Variants in CPA6 observed in about 807,000 individuals in gnomAD.
The protein encoded by CPA6 is carboxypeptidase B.
CPA6 carries 58 observed loss-of-function variants against 63.3 expected under a neutral mutation model. The observed-to-expected ratio is 0.92, with a 90% CI of 0.74 to 1.14. CPA6 has a LOEUF of 1.14. Ranked by LOEUF, CPA6 falls within the 50% of genes most tolerant of loss-of-function variation. The pLI is 0.00. For missense variants in CPA6, 565 were observed against 526.6 expected, an observed-to-expected ratio of 1.07 and a Z score of -0.71; for synonymous variants, 185 against 179.0, an observed-to-expected ratio of 1.03 and a Z score of -0.27.
intron 2 of CPA6, among the ~76,000 whole-genome samples, chr8:67,593,817 T>C (rs1814209463): frequency 6.7e-6 from 1 of 148,810 alleles, no homozygotes; most frequent in South Asian, 2.2e-4. Flanking sequence ...AGCACACTGA[T>C]GGGTCTTGAC....
intron 1 of CPA6, among the ~76,000 whole-genome samples, chr8:67,683,840 G>A (rs1270490510): frequency 3.3e-5 from 5 of 151,114 alleles, no homozygotes; most frequent in African/African-American, 1.2e-4. Context: ...ATATTGGGGG[G>A]AGGGGAGAAG....
At chr8:67,577,168 C>T (rs935994881) in intron 2 of CPA6, among the ~76,000 whole-genome samples, 29 of 152,058 alleles carry the variant, frequency 1.9e-4, no homozygotes, top group Non-Finnish European at 7.4e-5. Context: ...GTCATTTAAA[C>T]GGAATCCCAT....
chr8:67,695,325 C>T (rs1816893255), intron 1 of CPA6, among the ~76,000 whole-genome samples: 1 of 152,196 alleles, frequency 6.6e-6, no homozygotes, highest in South Asian at 2.1e-4. Context: ...AATCTGCCAG[C>T]AGCAGAGACC....
chr8:67,662,965 C>T (rs1396034617), intron 1 of CPA6, among the ~76,000 whole-genome samples: 1 of 152,006 alleles, frequency 6.6e-6, no homozygotes, highest in African/African-American at 2.4e-5. Context: ...AGAAGTGCAC[C>T]AAAGTCAAAG....
chr8:67,423,234 G>A (rs568787662), intron 10 of CPA6, among the ~76,000 whole-genome samples: 16 of 152,172 alleles, frequency 1.1e-4, no homozygotes, highest in Non-Finnish European at 1.8e-4. Flanking sequence ...ACAGGCCCGC[G>A]CCACCATGCC....
At chr8:67,499,232 A>T (rs1000923574) in intron 6 of CPA6, among the ~76,000 whole-genome samples, 2 of 152,100 alleles carry the variant, frequency 1.3e-5, no homozygotes, top group Non-Finnish European at 2.9e-5. Flanking sequence ...CAAAGAAGAG[A>T]TGAACTTACA....
At chr8:67,433,765 T>G (rs919255346) in intron 9 of CPA6, among the ~76,000 whole-genome samples, 1 of 152,214 alleles carries the variant, frequency 6.6e-6, no homozygotes, top group Non-Finnish European at 1.5e-5. Context: ...GGAACTAGAC[T>G]TGGGGCTGAA....
chr8:67,721,621 G>A (rs984846491), intron 1 of CPA6, among the ~76,000 whole-genome samples: 6 of 152,122 alleles, frequency 3.9e-5, no homozygotes, highest in African/African-American at 1.4e-4. Context: ...CGATAGAGGT[G>A]CAGGGTTATA....
intron 8 of CPA6, chr8:67,483,559 T>G (rs1489988584): frequency 3.5e-6 from 2 of 579,000 alleles, no homozygotes; most frequent in Non-Finnish European, 6.1e-6. Context: ...TTGACATATT[T>G]AAAATCCTTG....
intron 1 of CPA6, among the ~76,000 whole-genome samples, chr8:67,661,803 CT>C (rs1407289285): frequency 6.6e-6 from 1 of 152,188 alleles, no homozygotes; most frequent in Non-Finnish European, 1.5e-5. Flanking sequence ...CACTATTCTA[CT>C]GTCTGTCTCT....
At chr8:67,611,646 G>A (rs1462226482) in intron 2 of CPA6, among the ~76,000 whole-genome samples, 3 of 152,118 alleles carry the variant, frequency 2.0e-5, no homozygotes, top group Non-Finnish European at 4.4e-5. Flanking sequence ...GTTAGGCTTT[G>A]TCAAGAGAGG....
chr8:67,620,789 T>C lies in CPA6; in HGVS notation c.192+3387A>G, dbSNP rs192181492. Among the ~76,000 whole-genome samples, 160 of 152,214 alleles carry C rather than the reference T, an allele frequency of 1.1e-3. 1 individual carries two copies. The Middle Eastern group carries it at 0.014, about 13-fold the overall frequency. On this transcript the variant is annotated intron_variant, in intron 2 of 10. Transcript: ENST00000297770. Reference sequence around the variant, plus strand: ...ACTTCAATCCAATAAAACTACCTCTTTAGTGAAAGGAAATGAAGAAATGTA... The same window carrying C: ...ACTTCAATCCAATAAAACTACCTCTCTAGTGAAAGGAAATGAAGAAATGTA...
chr8:67,641,888 T>G (rs933905467), intron 1 of CPA6, among the ~76,000 whole-genome samples: 1 of 152,078 alleles, frequency 6.6e-6, no homozygotes, highest in Non-Finnish European at 1.5e-5. Context: ...TAATTAAAAT[T>G]TACATCATTT....
intron 8 of CPA6, among the ~76,000 whole-genome samples, chr8:67,476,553 CTTTTTTT>C: frequency 7.0e-6 from 1 of 142,034 alleles, no homozygotes; most frequent in East Asian, 2.1e-4. Flanking sequence ...CTCTCTCTCT[CTTTTTTT>C]TTTTTTGTCT....
chr8:67,538,107 A>G, intron 2 of CPA6, among the ~76,000 whole-genome samples: 1 of 152,178 alleles, frequency 6.6e-6, no homozygotes, highest in East Asian at 1.9e-4. Flanking sequence ...ACTTCCAATT[A>G]TGTGGTCAAT....
At chr8:67,662,404 C>CATACACGTATATGTATATATAGAATACAT (rs1816129848) in intron 1 of CPA6, among the ~76,000 whole-genome samples, 1 of 148,780 alleles carries the variant, frequency 6.7e-6, no homozygotes, top group African/African-American at 2.5e-5. Flanking sequence ...TACATATATA[C>CATACACGTATATGTATATATAGAATACAT]ACACACGTAT....
At position 67,538,265 on chromosome 8, in the gene CPA6, G is replaced by A. The variant is rs184594254; in HGVS notation, c.193-20218C>T. Among the ~76,000 whole-genome samples the A allele has an allele frequency of 5.6e-3, 849 of 152,240 alleles. 6 individuals are homozygous for A. Among genetic ancestry groups the A allele is most frequent in the South Asian group, 0.017 (83 of 4,824 alleles). Reference sequence around the variant, plus strand: ...TATTAATTTTCTGTCTTGTTGATCTGTCTAATATTGACAGTGGGGTGTTAA... The same window carrying A: ...TATTAATTTTCTGTCTTGTTGATCTATCTAATATTGACAGTGGGGTGTTAA... On this transcript the variant is annotated intron_variant, in intron 2 of 10. Coordinates refer to ENST00000297770, the MANE Select transcript of CPA6 (RefSeq NM_020361.5).
chr8:67,498,535 CAAAAAA>C (rs397940852), intron 6 of CPA6, among the ~76,000 whole-genome samples: 20 of 33,190 alleles, frequency 6.0e-4, no homozygotes, highest in African/African-American at 1.1e-3. Context: ...GACTCCATCT[CAAAAAA>C]AAAAAAAAAA....
chr8:67,695,041 T>C (rs896422481), intron 1 of CPA6, among the ~76,000 whole-genome samples: 6 of 152,110 alleles, frequency 3.9e-5, no homozygotes, highest in Non-Finnish European at 8.8e-5. Flanking sequence ...AATGTGAAGA[T>C]ATTGGTATCC....
Sources: gnomAD v4.1 joint callset for allele counts (sites outside exome capture counted in the v4.1 genomes callset) on GRCh38, gnomAD v4.1.1 for gene constraint, MANE v1.5 for transcripts, NCBI Gene and HGNC (gene_info 2026-07-23, HGNC 2026-07-21) for gene names.